Variants in B3GNT2 observed in about 807,000 individuals in gnomAD.
The protein encoded by B3GNT2 is UDP-GlcNAc:betaGal beta-1,3-N-acetylglucosaminyltransferase 2.
Under a neutral mutation model 27.6 loss-of-function variants are expected in B3GNT2, and 12 were observed. The ratio of observed to expected loss-of-function variants is 0.44; its 90% CI spans 0.28 to 0.71. The LOEUF is 0.71. Ranked by LOEUF, B3GNT2 falls within the 30% of genes least tolerant of loss-of-function variation. The probability of loss-of-function intolerance (pLI) is 0.17; values close to 1 mark genes in which losing one functional copy is unlikely to be tolerated. For synonymous variants in B3GNT2, 192 were observed against 189.7 expected (o/e 1.01, Z -0.10); for missense variants, 413 against 488.5 (o/e 0.85, Z 1.46).
intron 1 of B3GNT2, among the ~76,000 whole-genome samples, chr2:62,213,126 C>T (rs1476667269): frequency 6.6e-6 from 1 of 152,144 alleles, no homozygotes; most frequent in African/African-American, 2.4e-5. Flanking sequence ...GCTGGGGCAA[C>T]ATGAGGAGAC....
At chr2:62,196,935 C>T (rs890630693) in intron 1 of B3GNT2, among the ~76,000 whole-genome samples, 1 of 151,570 alleles carries the variant, frequency 6.6e-6, no homozygotes. Context: ...GGCAGCCGCT[C>T]CCCACCCCCC....
chr2:62,206,403 A>T (rs961566833), intron 1 of B3GNT2, among the ~76,000 whole-genome samples: 3 of 152,194 alleles, frequency 2.0e-5, no homozygotes, highest in African/African-American at 4.8e-5. Flanking sequence ...AATTGCGCCC[A>T]TGGCATATGG....
chr2:62,222,147 A>G lies in B3GNT2; in HGVS notation c.-9-65A>G. 5.1e-6 allele frequency: 7 copies of G among 1,385,660 alleles called. No individual in the cohort carries two copies. In the East Asian group the frequency reaches 1.6e-4, roughly 32 times the overall value. The allele number at this position is 1,385,660 out of a possible 1,614,324, so 85.8% of individuals were successfully genotyped here. ...CACTATTCCTGGGGAGACAGGTAAA[A>G]TAAATTGTATGTGCAAATGCAAATT... On this transcript the variant is annotated intron_variant, in intron 1 of 1. Transcript: ENST00000301998. The surrounding 1 kb of genome is among the most constrained non-coding windows in gnomAD (Gnocchi z 4.2).
intron 1 of B3GNT2, among the ~76,000 whole-genome samples, chr2:62,209,965 G>A (rs75194332): frequency 0.11 from 16,606 of 152,192 alleles, 1,121 homozygotes; most frequent in Admixed American, 0.21. Flanking sequence ...CCTATGGTGC[G>A]GAAGTGTTAC....
rs1241746661 is a variant in B3GNT2, at chr2:62,217,589, G to GGGGTCGAATAC, written c.-9-4620_-9-4610dup. Among the ~76,000 whole-genome samples the GGGGTCGAATAC allele has an allele frequency of 1.5e-4, 23 of 152,336 alleles. 1 individual carries two copies. Among genetic ancestry groups the GGGGTCGAATAC allele is most frequent in the African/African-American group, 5.5e-4 (23 of 41,568 alleles). ...GTGACAGCCTCTATGCAGCACTGTAGGGGTCGAATACGGCGATGCTGACAC... is the reference window on the plus strand; with the variant it reads ...GTGACAGCCTCTATGCAGCACTGTAGGGGTCGAATACGGGTCGAATACGGCGATGCTGACAC... On this transcript the variant is annotated intron_variant, in intron 1 of 1. Coordinates refer to ENST00000301998, the MANE Select transcript of B3GNT2 (RefSeq NM_006577.6).
chr2:62,212,977 G>A (rs755422897), intron 1 of B3GNT2, among the ~76,000 whole-genome samples: 1 of 152,104 alleles, frequency 6.6e-6, no homozygotes, highest in Non-Finnish European at 1.5e-5. Context: ...ACACTTGCTT[G>A]TACACAGGTC....
At chr2:62,203,501 A>G (rs1003607123) in intron 1 of B3GNT2, among the ~76,000 whole-genome samples, 7 of 152,146 alleles carry the variant, frequency 4.6e-5, no homozygotes, top group African/African-American at 1.7e-4. Context: ...CCAACATGCA[A>G]GAGAACCCTG....
rs142907987 is a variant in B3GNT2 at position 62,222,730 on chromosome 2, C to T, written c.510C>T (p.Asn170=). The T allele has an allele frequency of 6.4e-3, 10,361 of 1,614,202 alleles. 36 individuals carry two copies. The highest frequency in any genetic ancestry group is 8.8e-3 in the Admixed American group (531 of 60,024). The change falls in exon 2 of 2, where the codon AAC becomes AAT. Residue 170 remains asparagine, a synonymous_variant. Coordinates refer to ENST00000301998, the MANE Select transcript of B3GNT2 (RefSeq NM_006577.6). This position sits in a 1 kb window ranked among gnomAD's most constrained non-coding sequence, Gnocchi z 4.2. The part of the protein sequence containing the change: ...AIRESWGQES[N]AGNQTVVRVF... ...GGGAATCCTGGGGCCAAGAAAGCAACGCAGGGAACCAAACGGTGGTGCGAG... is the reference window on the plus strand; with the variant it reads ...GGGAATCCTGGGGCCAAGAAAGCAATGCAGGGAACCAAACGGTGGTGCGAG...
intron 1 of B3GNT2, among the ~76,000 whole-genome samples, chr2:62,197,217 A>G (rs1325937430): frequency 6.6e-6 from 1 of 152,014 alleles, no homozygotes; most frequent in Non-Finnish European, 1.5e-5. Context: ...CGGGCGCGGG[A>G]CTGGCGGCTA....
chr2:62,217,620 G>A (rs1674601402), intron 1 of B3GNT2, among the ~76,000 whole-genome samples: 1 of 152,208 alleles, frequency 6.6e-6, no homozygotes, highest in African/African-American at 2.4e-5. Flanking sequence ...GACACAGGCT[G>A]GGGGTGGGCT....
At chr2:62,206,881 T>C (rs1236823296) in intron 1 of B3GNT2, among the ~76,000 whole-genome samples, 1 of 152,236 alleles carries the variant, frequency 6.6e-6, no homozygotes, top group African/African-American at 2.4e-5. Context: ...TCCCCTTCGC[T>C]GTAACCAAGA....
rs967806249 is a variant in B3GNT2 at position 62,197,819 on chromosome 2, C to G, written c.-10+1464C>G. 7.9e-4 allele frequency among the ~76,000 whole-genome samples: 120 copies of G among 152,330 alleles called. 1 individual carries two copies. Among genetic ancestry groups the G allele is most frequent in the African/African-American group, 2.5e-3 (102 of 41,576 alleles). On this transcript the variant is annotated intron_variant, in intron 1 of 1. Transcript: ENST00000301998. ...CACCCATGCGGATCTGACAGCTGAC[C>G]CGGAGGGAGGACCGGCAGGGCAGGG...
At chr2:62,204,934 C>T (rs905190847) in intron 1 of B3GNT2, among the ~76,000 whole-genome samples, 1 of 152,172 alleles carries the variant, frequency 6.6e-6, no homozygotes, top group Admixed American at 6.5e-5. Context: ...CCACTCACGA[C>T]TAGGGGCCCA....
chr2:62,220,781 T>A (rs78381234), intron 1 of B3GNT2, among the ~76,000 whole-genome samples: 1,550 of 152,322 alleles, frequency 0.01, 30 homozygotes, highest in African/African-American at 0.036. Context: ...AACATTGCCA[T>A]CCCACTTTTT....
At chr2:62,210,403 A>G (rs1674458692) in intron 1 of B3GNT2, among the ~76,000 whole-genome samples, 1 of 152,188 alleles carries the variant, frequency 6.6e-6, no homozygotes, top group African/African-American at 2.4e-5. Flanking sequence ...GAGTAGGAAG[A>G]CCAGGAAGGA....
At chr2:62,197,729 T>G (rs1674181192) in intron 1 of B3GNT2, among the ~76,000 whole-genome samples, 1 of 152,186 alleles carries the variant, frequency 6.6e-6, no homozygotes, top group South Asian at 2.1e-4. Flanking sequence ...GGGCCGGGAC[T>G]GGGAGTGAAA....
intron 1 of B3GNT2, among the ~76,000 whole-genome samples, chr2:62,221,283 T>C (rs760282556): frequency 6.6e-6 from 1 of 152,284 alleles, no homozygotes; most frequent in Non-Finnish European, 1.5e-5. Flanking sequence ...TGTATGCAGA[T>C]GCCACAGTTT....
At chr2:62,209,468 T>C (rs1558633539) in intron 1 of B3GNT2, among the ~76,000 whole-genome samples, 1 of 152,292 alleles carries the variant, frequency 6.6e-6, no homozygotes, top group East Asian at 1.9e-4. Flanking sequence ...ATGTGCATGT[T>C]GTTGAAAAAC....
intron 1 of B3GNT2, among the ~76,000 whole-genome samples, chr2:62,202,105 G>T (rs141834525): frequency 2.6e-5 from 4 of 152,162 alleles, no homozygotes; most frequent in African/African-American, 9.7e-5. Flanking sequence ...TTTGTTCTCC[G>T]ACCAAACACG....
Sources: allele counts gnomAD v4.1 joint callset (sites outside exome capture counted in the v4.1 genomes callset), GRCh38; gene constraint gnomAD v4.1.1; non-coding constraint Gnocchi (gnomAD v3.1); transcripts MANE v1.5; gene names NCBI Gene and HGNC (gene_info 2026-07-23, HGNC 2026-07-21).